The following MNAT1 variants were observed in gnomAD, a reference collection of about 807,000 sequenced individuals.
MNAT1 encodes the protein CDK-activating kinase assembly factor MAT1.
In MNAT1, 43 loss-of-function variants were observed where a neutral mutation model predicts 42.0. That is an observed-to-expected ratio of 1.02 (90% CI 0.80 to 1.32). The LOEUF is 1.32. Ranked by LOEUF, MNAT1 falls within the 40% of genes most tolerant of loss-of-function variation. MNAT1 has a pLI of 0.00. For missense variants in MNAT1, 306 were observed against 350.4 expected (o/e 0.87, Z 1.01); for synonymous variants, 118 against 120.0 (o/e 0.98, Z 0.11).
chr14:60,889,881 C>A (rs563611419), intron 7 of MNAT1, among the ~76,000 whole-genome samples: 1 of 152,134 alleles, frequency 6.6e-6, no homozygotes, highest in African/African-American at 2.4e-5. Context: ...CAGAGAAATG[C>A]AAATCAAAAC....
chr14:60,912,758 A>G (rs185756499), intron 7 of MNAT1, among the ~76,000 whole-genome samples: 102 of 152,148 alleles, frequency 6.7e-4, no homozygotes, highest in African/African-American at 2.1e-3. Flanking sequence ...TGCCCTTAAC[A>G]CTTTTTCCTT....
chr14:60,871,176 TTATC>T, intron 6 of MNAT1, among the ~76,000 whole-genome samples: 1 of 152,320 alleles, frequency 6.6e-6, no homozygotes, highest in East Asian at 1.9e-4. Flanking sequence ...CCCATTTTAT[TTATC>T]CATTCACAAT....
Position 60,879,853 on chromosome 14 carries a change from C to T in MNAT1, c.809+18C>T. On this transcript the variant is annotated intron_variant, in intron 7 of 7. Transcript: ENST00000261245. ...AGACTTGGGTATGTGTCCTAAAGAA[C>T]TTTACATTGAGGAGCTGATATGTGG... 6.2e-7 allele frequency: 1 copy of T among 1,606,706 alleles called. No homozygotes were observed. Among genetic ancestry groups the T allele is most frequent in the Non-Finnish European group, 8.5e-7 (1 of 1,177,338 alleles).
intron 1 of MNAT1, among the ~76,000 whole-genome samples, chr14:60,747,252 A>G (rs79351583): frequency 0.047 from 7,196 of 151,882 alleles, 251 homozygotes; most frequent in African/African-American, 0.089. Context: ...CCAAAGTGCT[A>G]GGATTACAGG....
chr14:60,771,588 C>T (rs2031058581), intron 1 of MNAT1, among the ~76,000 whole-genome samples: 1 of 152,168 alleles, frequency 6.6e-6, no homozygotes. Context: ...AGCCAAAGTC[C>T]TTATAGCGTC....
At chr14:60,838,611 G>A (rs930706672) in intron 6 of MNAT1, among the ~76,000 whole-genome samples, 76 of 152,336 alleles carry the variant, frequency 5.0e-4, no homozygotes, top group African/African-American at 1.7e-3. Context: ...TATGGCTGGC[G>A]CTGCCCTGTA....
chr14:60,753,550 C>G (rs987853320), intron 1 of MNAT1: 1 of 152,134 alleles, frequency 6.6e-6, no homozygotes, highest in Admixed American at 6.5e-5. Flanking sequence ...TTCTTCTCCT[C>G]AGGTGGATGA....
chr14:60,863,838 A>C lies in MNAT1; in HGVS notation c.688-15876A>C, dbSNP rs923844576. Among the ~76,000 whole-genome samples the C allele has an allele frequency of 2.0e-5, 3 of 152,084 alleles. No individual in the cohort carries two copies. The East Asian group carries it at 5.8e-4, about 29-fold the overall frequency. ...ATGAAGAGTGATTTGTTAAAGTACA[A>C]TAAACTGTGATTTAAAGGATTGATT... On this transcript the variant is annotated intron_variant, in intron 6 of 7. Coordinates refer to ENST00000261245, the MANE Select transcript of MNAT1 (RefSeq NM_002431.4).
chr14:60,927,537 G>C (rs1476326997), intron 7 of MNAT1, among the ~76,000 whole-genome samples: 1 of 152,136 alleles, frequency 6.6e-6, no homozygotes, highest in Non-Finnish European at 1.5e-5. Flanking sequence ...ATTCACAAGG[G>C]TGCCCTGTAC....
At chr14:60,918,244 T>A in intron 7 of MNAT1, among the ~76,000 whole-genome samples, 1 of 131,130 alleles carries the variant, frequency 7.6e-6, no homozygotes, top group African/African-American at 2.7e-5. Flanking sequence ...AGTCTCGGTC[T>A]GTCGCCCAGG....
intron 1 of MNAT1, among the ~76,000 whole-genome samples, chr14:60,753,070 T>C (rs1025952430): frequency 1.3e-5 from 2 of 152,246 alleles, no homozygotes; most frequent in African/African-American, 4.8e-5. Context: ...TGGCTTGCAC[T>C]AGTTATTTAT....
chr14:60,808,377 G>A lies in MNAT1; in HGVS notation c.369G>A (p.Glu123=), dbSNP rs2139346848. The change falls in exon 4 of 8, where the codon GAG becomes GAA. Residue 123 remains glutamate, a synonymous_variant. Coordinates refer to ENST00000261245, the MANE Select transcript of MNAT1 (RefSeq NM_002431.4). ...TGGACAACACCAAAAAGAAAATGGA[G>A]ATATACCAAAAGGAAAACAAAGATG... ...VDLDNTKKKM[E]IYQKENKDVI... is the part of the protein sequence containing the mutation. 2 of 1,585,794 alleles carry A rather than the reference G, an allele frequency of 1.3e-6. No individual in the cohort carries two copies. The highest frequency in any genetic ancestry group is 2.3e-5 in the East Asian group (1 of 42,938).
At chr14:60,960,455 T>C (rs566393719) in intron 7 of MNAT1, among the ~76,000 whole-genome samples, 2 of 152,184 alleles carry the variant, frequency 1.3e-5, no homozygotes, top group Non-Finnish European at 2.9e-5. Context: ...TAAATTCTGG[T>C]AACTCCAAAT....
intron 7 of MNAT1, among the ~76,000 whole-genome samples, chr14:60,927,620 G>A (rs2035793778): frequency 6.6e-6 from 1 of 152,166 alleles, no homozygotes; most frequent in African/African-American, 2.4e-5. Flanking sequence ...CGTTTTGTAA[G>A]TAAAGTCTGA....
At chr14:60,832,318 G>A (rs973233261) in intron 6 of MNAT1, among the ~76,000 whole-genome samples, 2 of 152,042 alleles carry the variant, frequency 1.3e-5, no homozygotes, top group African/African-American at 4.8e-5. Flanking sequence ...TAGGTCTTAC[G>A]TTTAAGTCTT....
chr14:60,747,267 A>G (rs1191856555), intron 1 of MNAT1, among the ~76,000 whole-genome samples: 2 of 152,066 alleles, frequency 1.3e-5, no homozygotes, highest in African/African-American at 4.8e-5. Flanking sequence ...TACAGGCGTG[A>G]GCCAATGCGC....
chr14:60,794,890 T>C (rs2031963268), intron 1 of MNAT1, among the ~76,000 whole-genome samples: 1 of 151,958 alleles, frequency 6.6e-6, no homozygotes, highest in African/African-American at 2.4e-5. Flanking sequence ...CCCTTTGTCT[T>C]GTATTCATTT....
chr14:60,748,649 CCT>C (rs778926535), intron 1 of MNAT1, among the ~76,000 whole-genome samples: 5 of 152,180 alleles, frequency 3.3e-5, no homozygotes, highest in Non-Finnish European at 7.4e-5. Flanking sequence ...CACTGTCTCC[CCT>C]CTCCACGTTT....
chr14:60,951,818 G>A (rs1020597945), intron 7 of MNAT1, among the ~76,000 whole-genome samples: 3 of 151,692 alleles, frequency 2.0e-5, no homozygotes, highest in African/African-American at 7.3e-5. Context: ...GTTTTCCTGT[G>A]GGTCTTGGAT....
Sources: gnomAD v4.1 joint callset for allele counts (sites outside exome capture counted in the v4.1 genomes callset) on GRCh38, gnomAD v4.1.1 for gene constraint, MANE v1.5 for transcripts, NCBI Gene and HGNC (gene_info 2026-07-23, HGNC 2026-07-21) for gene names.